HTR4: variants seen among roughly 807,000 people sequenced by gnomAD.
HTR4 encodes 5-hydroxytryptamine (serotonin) receptor 4, G protein-coupled.
Under a neutral mutation model 36.8 loss-of-function variants are expected in HTR4, and 16 were observed. The ratio of observed to expected loss-of-function variants is 0.43; its 90% CI spans 0.29 to 0.66. The LOEUF (loss-of-function observed/expected upper bound fraction) is 0.66, where lower values mean the gene tolerates loss of function less well. Among genes scored for constraint, HTR4 ranks in the 30% least tolerant of loss-of-function variants. The probability of loss-of-function intolerance (pLI) is 0.13; values close to 1 mark genes in which losing one functional copy is unlikely to be tolerated. For missense variants in HTR4, 438 were observed against 490.9 expected, an observed-to-expected ratio of 0.89 and a Z score of 1.02; for synonymous variants, 189 against 185.1, an observed-to-expected ratio of 1.02 and a Z score of -0.17.
chr5:148,626,339 TAA>T (rs1219085106), intron 2 of HTR4, among the ~76,000 whole-genome samples: 1 of 152,236 alleles, frequency 6.6e-6, no homozygotes, highest in Non-Finnish European at 1.5e-5. Flanking sequence ...ACTAAAGTAC[TAA>T]ATTAGTTGAA....
rs1445540955 is a variant in HTR4 at position 148,544,289 on chromosome 5, CTCTCTCTCCACCTCTCTT to C, written c.353+4361_353+4378del. Reference sequence around the variant, plus strand: ...TCTCTCTCTCTCTTTCTCTCTTTCTCTCTCTCTCCACCTCTCTTTCTCTCTCTCTCCACCTCTCTTTCT... The same window carrying C: ...TCTCTCTCTCTCTTTCTCTCTTTCTCTCTCTCTCTCTCCACCTCTCTTTCT... On this transcript the variant is annotated intron_variant, in intron 4 of 6. Transcript: ENST00000377888. Among the ~76,000 whole-genome samples, 8 of 43,150 alleles carry C rather than the reference CTCTCTCTCCACCTCTCTT, an allele frequency of 1.9e-4. No homozygotes were observed. In the African/African-American group the frequency reaches 3.1e-3, roughly 17 times the overall value. 28.3% of individuals were successfully genotyped at this position (43,150 alleles called of 152,430 possible). A position where few individuals can be genotyped will look rare whatever the true frequency, so the allele number is the denominator to read the frequency against.
At chr5:148,528,779 C>T (rs181384628) in intron 4 of HTR4, among the ~76,000 whole-genome samples, 5 of 152,072 alleles carry the variant, frequency 3.3e-5, no homozygotes, top group African/African-American at 1.2e-4. Context: ...TAAACACCAC[C>T]ACTAGACAGA....
chr5:148,565,566 G>A (rs922570649), intron 2 of HTR4, among the ~76,000 whole-genome samples: 1 of 145,100 alleles, frequency 6.9e-6, no homozygotes, highest in Non-Finnish European at 1.5e-5. Flanking sequence ...ATAATCATAA[G>A]AGAAGCAGGG....
chr5:148,564,369 C>T (rs1760346520), intron 2 of HTR4, among the ~76,000 whole-genome samples: 1 of 152,076 alleles, frequency 6.6e-6, no homozygotes, highest in Admixed American at 6.6e-5. Flanking sequence ...TCCATTGTAC[C>T]CTATAATTAT....
rs745997108 is a variant in HTR4, at chr5:148,550,217, C to G, written c.72G>C (p.Thr24=). The change falls in exon 3 of 7, where the codon ACG becomes ACC. Residue 24 remains threonine, a synonymous_variant. Coordinates refer to ENST00000377888, the MANE Select transcript of HTR4 (RefSeq NM_000870.7). ...CCATCAGGATAACCGTCGAGAGAAA[C>G]GTGAGCAGCACCACCTTCTCCACTG... The part of the protein sequence containing the change: ...FGSVEKVVLL[T]FLSTVILMAI... 1.2e-6 allele frequency: 2 copies of G among 1,614,096 alleles called. No homozygotes were observed. Among genetic ancestry groups the G allele is most frequent in the South Asian group, 1.1e-5 (1 of 91,068 alleles).
At chr5:148,503,453 G>T (rs1757032851) in intron 6 of HTR4, among the ~76,000 whole-genome samples, 1 of 152,140 alleles carries the variant, frequency 6.6e-6, no homozygotes. Flanking sequence ...GAGAGATTTT[G>T]TCACCACCAG....
At chr5:148,649,433 T>C (rs762144481) in intron 1 of HTR4, among the ~76,000 whole-genome samples, 1 of 152,224 alleles carries the variant, frequency 6.6e-6, no homozygotes, top group Non-Finnish European at 1.5e-5. Context: ...ATAGTGCTAA[T>C]GTGGATTTGA....
At chr5:148,527,456 T>C (rs1758338767) in intron 4 of HTR4, among the ~76,000 whole-genome samples, 1 of 152,208 alleles carries the variant, frequency 6.6e-6, no homozygotes, top group Admixed American at 6.6e-5. Context: ...ACAATAATAT[T>C]GCCCTACATT....
At chr5:148,537,572 C>A (rs746092231) in intron 4 of HTR4, among the ~76,000 whole-genome samples, 6 of 152,024 alleles carry the variant, frequency 3.9e-5, no homozygotes, top group Non-Finnish European at 7.4e-5. Context: ...ACTGATCCCA[C>A]AGAAACAAAA....
At chr5:148,470,425 T>C (rs976274645) in intron 5 of HTR4, among the ~76,000 whole-genome samples, 9 of 152,238 alleles carry the variant, frequency 5.9e-5, no homozygotes, top group Non-Finnish European at 8.8e-5. Context: ...ATTCTGACTA[T>C]AGAATAGGAG....
At chr5:148,461,374 C>A (rs760501260) in intron 5 of HTR4, among the ~76,000 whole-genome samples, 2 of 151,774 alleles carry the variant, frequency 1.3e-5, no homozygotes, top group Non-Finnish European at 2.9e-5. Flanking sequence ...CTACAAGAAA[C>A]CCACTTTAAA....
chr5:148,508,062 C>CA (rs1158442541), intron 6 of HTR4, among the ~76,000 whole-genome samples: 1 of 152,172 alleles, frequency 6.6e-6, no homozygotes, highest in South Asian at 2.1e-4. Flanking sequence ...ACACTTGTAG[C>CA]AAAAAATGGA....
intron 5 of HTR4, among the ~76,000 whole-genome samples, chr5:148,516,679 C>T (rs1221598829): frequency 6.6e-6 from 1 of 150,722 alleles, no homozygotes; most frequent in South Asian, 2.1e-4. Context: ...TCTAGATTGC[C>T]TATGAGACTG....
intron 4 of HTR4, among the ~76,000 whole-genome samples, chr5:148,532,310 T>C (rs1289436693): frequency 1.3e-5 from 2 of 152,058 alleles, no homozygotes; most frequent in African/African-American, 4.8e-5. Flanking sequence ...GGGAAAACCG[T>C]CCCCCAACTG....
chr5:148,533,070 A>C (rs1406651946), intron 4 of HTR4, among the ~76,000 whole-genome samples: 2 of 152,248 alleles, frequency 1.3e-5, no homozygotes, highest in African/African-American at 4.8e-5. Context: ...AAGCTGAATT[A>C]AAACGAAGTC....
rs1402773104 is a variant in HTR4, at chr5:148,483,235, G to A, written c.1135C>T (p.Pro379Ser). Residue 379 changes from proline (P) to serine (S), a missense_variant, in exon 7 of 7, where the codon CCT becomes TCT. Coordinates refer to ENST00000377888, the MANE Select transcript of HTR4 (RefSeq NM_000870.7). ...TCACTGGGCTGAGCAGCCACCAAAG[G>A]AGAAGTTGCTGGCGGGTGACACTGA... Reference protein sequence around the residue: ...ESQCHPPATSPLVAAQPSDT With the variant: ...ESQCHPPATSSLVAAQPSDT 4 of 1,614,074 alleles carry A rather than the reference G, an allele frequency of 2.5e-6. No individual in the cohort carries two copies. Among genetic ancestry groups the A allele is most frequent in the Non-Finnish European group, 3.4e-6 (4 of 1,179,978 alleles).
intron 2 of HTR4, among the ~76,000 whole-genome samples, chr5:148,562,041 G>A (rs1760235742): frequency 6.6e-6 from 1 of 152,180 alleles, no homozygotes; most frequent in Admixed American, 6.5e-5. Context: ...TTGCCCAAAG[G>A]AGAGATGAAA....
intron 5 of HTR4, among the ~76,000 whole-genome samples, chr5:148,470,877 C>T (rs961863644): frequency 4.6e-5 from 7 of 151,952 alleles, no homozygotes; most frequent in Non-Finnish European, 2.9e-5. Flanking sequence ...TTAGTAGAGA[C>T]GGGGTTTCAC....
At chr5:148,522,994 A>G (rs951105415) in intron 5 of HTR4, among the ~76,000 whole-genome samples, 199 bp downstream of exon 5, 1 of 152,202 alleles carries the variant, frequency 6.6e-6, no homozygotes, top group African/African-American at 2.4e-5. Context: ...ACAAGGATTC[A>G]GAAAAGTCTA....
Sources: gnomAD v4.1 joint callset for allele counts (sites outside exome capture counted in the v4.1 genomes callset) on GRCh38, gnomAD v4.1.1 for gene constraint, MANE v1.5 for transcripts, NCBI Gene and HGNC (gene_info 2026-07-23, HGNC 2026-07-21) for gene names.